The following USP13 variants were observed in gnomAD, a reference collection of about 807,000 sequenced individuals.
The protein encoded by USP13 is ubiquitin carboxyl-terminal hydrolase 13.
In USP13, 68 loss-of-function variants were observed where a neutral mutation model predicts 107.8. The ratio of observed to expected loss-of-function variants is 0.63; its 90% confidence interval spans 0.52 to 0.77. The LOEUF (loss-of-function observed/expected upper bound fraction) is 0.77. USP13 is among the 30% of genes least tolerant of loss of function. The pLI, the probability that USP13 is intolerant of heterozygous loss-of-function variation, is 0.00. For missense variants in USP13, 945 were observed against 1,093.3 expected (o/e 0.86, Z 1.91); for synonymous variants, 377 against 389.5 (o/e 0.97, Z 0.38).
Position 179,721,303 on chromosome 3 carries a change from T to C in USP13, c.901-99T>C. 1 of 1,326,458 alleles carries C rather than the reference T, an allele frequency of 7.5e-7. No homozygotes were observed. The highest frequency in any genetic ancestry group is 1.0e-6 in the Non-Finnish European group (1 of 972,306). The allele number at this position is 1,326,458 out of a possible 1,614,324, so 82.2% of individuals were successfully genotyped here. On this transcript the variant is annotated intron_variant, in intron 7 of 20. Transcript: ENST00000263966. The surrounding 1 kb of genome is among the most constrained non-coding windows in gnomAD (Gnocchi z 4.3). ...TTCTCTATGTAATTGGGGAAAAAAA[T>C]GGCAGAAACATCCTATGCTGTTAGA... is the stretch of plus-strand genomic sequence containing the variant.
At chr3:179,740,460 G>T in intron 11 of USP13, 88 bp downstream of exon 11, 1 of 1,557,658 alleles carries the variant, frequency 6.4e-7, no homozygotes, top group Non-Finnish European at 8.8e-7. Context: ...TGATCAGAAT[G>T]CCTCCCCACT....
chr3:179,776,758 G>T (rs1715551736), intron 19 of USP13, among the ~76,000 whole-genome samples: 1 of 151,930 alleles, frequency 6.6e-6, no homozygotes, highest in African/African-American at 2.4e-5. Context: ...AATAGGAAAG[G>T]CAGCTTGAGA....
At chr3:179,738,529 G>A (rs1381263254) in intron 10 of USP13, among the ~76,000 whole-genome samples, 1 of 152,194 alleles carries the variant, frequency 6.6e-6, no homozygotes, top group African/African-American at 2.4e-5. Context: ...TAAGACTAGT[G>A]TCCGCTTTCT....
At position 179,721,121 on chromosome 3, in the gene USP13, CT is replaced by C. The variant is rs1560061816; in HGVS notation, c.901-276del. On this transcript the variant is annotated intron_variant, in intron 7 of 20. Coordinates refer to ENST00000263966, the MANE Select transcript of USP13 (RefSeq NM_003940.3). The surrounding 1 kb of genome is among the most constrained non-coding windows in gnomAD (Gnocchi z 4.3). ...GCTGCGCCCGGCCTCTCTTTAAAAT[CT>C]TTTTCATGTGTGTTTTAAAAATTGT... 6.6e-6 allele frequency among the ~76,000 whole-genome samples: 1 copy of C among 152,028 alleles called. No homozygotes were observed. Among genetic ancestry groups the C allele is most frequent in the Non-Finnish European group, 1.5e-5 (1 of 67,990 alleles).
At position 179,784,748 on chromosome 3, in the gene USP13, AGACT is replaced by A. The variant is rs1176714942; in HGVS notation, c.*614_*617del. On this transcript the variant is annotated 3_prime_UTR_variant, in exon 21 of 21. Transcript: ENST00000263966. ...TAATACGATTGTGTGAATGTGTGTG[AGACT>A]GACTGAGAGTGTGAGACTTTTACTA... is the stretch of plus-strand genomic sequence containing the variant. 1.4e-4 allele frequency: 22 copies of A among 152,356 alleles called. No individual in the cohort carries two copies. The highest frequency in any genetic ancestry group is 4.1e-4 in the South Asian group (2 of 4,828). 9.4% of individuals were successfully genotyped at this position (152,356 alleles called of 1,614,324 possible).
rs770449912 is a variant in USP13, at chr3:179,742,212, T to C, written c.1396T>C (p.Ser466Pro). The change falls in exon 12 of 21, where the codon TCA becomes CCA. Residue 466 changes from serine to proline, a missense_variant. Coordinates refer to ENST00000263966, the MANE Select transcript of USP13 (RefSeq NM_003940.3). The surrounding 1 kb of genome is among the most constrained non-coding windows in gnomAD (Gnocchi z 5.0). Reference protein sequence around the residue: ...VNLVERNRIGSENPSDVFRFL... With the variant: ...VNLVERNRIGPENPSDVFRFL... The stretch of plus-strand genomic sequence containing the variant: ...CATCCTTCAGAGGAACCGCATCGGC[T>C]CAGAAAACCCAAGCGATGTTTTTCG... 2 of 1,614,228 alleles carry C rather than the reference T, an allele frequency of 1.2e-6. No individual in the cohort carries two copies. The highest frequency in any genetic ancestry group is 1.7e-6 in the Non-Finnish European group (2 of 1,180,042).
At chr3:179,671,842 C>T (rs1195053288) in intron 1 of USP13, among the ~76,000 whole-genome samples, 6 of 152,094 alleles carry the variant, frequency 3.9e-5, no homozygotes, top group Non-Finnish European at 7.3e-5. Context: ...CGTCTTCCCG[C>T]GGTGTTAGTA....
In USP13 at chr3:179,721,580, T is replaced by A. The variant is rs1300725538; in HGVS notation, c.1079T>A (p.Phe360Tyr). 9 of 1,613,238 alleles carry A rather than the reference T, an allele frequency of 5.6e-6. No homozygotes were observed. The highest frequency in any genetic ancestry group is 1.3e-5 in the African/African-American group (1 of 74,976). Residue 360 changes from phenylalanine (F) to tyrosine (Y), a missense_variant, in exon 8 of 21, where the codon TTC (phenylalanine) becomes TAC (tyrosine). Physicochemically the swap from Phe to Tyr is conservative, Grantham distance 22. Coordinates refer to ENST00000263966, the MANE Select transcript of USP13 (RefSeq NM_003940.3). This position sits in a 1 kb window ranked among gnomAD's most constrained non-coding sequence, Gnocchi z 4.3. ...CAGGCCATCTTCAGCATCCCAGAATTCCAGAGAGCGTAAGTGCCTTCCATG... is the reference window on the plus strand; with the variant it reads ...CAGGCCATCTTCAGCATCCCAGAATACCAGAGAGCGTAAGTGCCTTCCATG... ...VMQAIFSIPE[F>Y]QRAYVGNLPR...
intron 1 of USP13, among the ~76,000 whole-genome samples, chr3:179,658,124 T>G (rs1430113102): frequency 6.6e-6 from 1 of 152,134 alleles, no homozygotes; most frequent in Admixed American, 6.6e-5. Flanking sequence ...CTGGCTAATT[T>G]TTTGTATTTT....
chr3:179,726,632 G>A (rs1351263325), intron 8 of USP13, among the ~76,000 whole-genome samples: 1 of 151,894 alleles, frequency 6.6e-6, no homozygotes. Context: ...TTGGCCTGGT[G>A]CCTGGCTGCA....
intron 4 of USP13, among the ~76,000 whole-genome samples, chr3:179,705,481 A>G (rs1054812693): frequency 6.6e-6 from 1 of 152,146 alleles, no homozygotes; most frequent in Non-Finnish European, 1.5e-5. Context: ...TTCTAGCTCT[A>G]TAGATTTGTC....
intron 13 of USP13, among the ~76,000 whole-genome samples, chr3:179,751,688 G>A (rs906722238): frequency 1.9e-4 from 29 of 151,980 alleles, no homozygotes; most frequent in African/African-American, 7.0e-4. Context: ...GAACACCACA[G>A]CAAAGTAAAA....
Position 179,756,345 on chromosome 3 carries a change from C to T in USP13, c.1922-707C>T, listed in dbSNP as rs537155088. On this transcript the variant is annotated intron_variant, in intron 15 of 20. Coordinates refer to ENST00000263966, the MANE Select transcript of USP13 (RefSeq NM_003940.3). ...GGCTGAGGCAAGAGAATCGCTTGAACCAGGGAGTCGAGCCGAGATTGCGCC... is the reference window on the plus strand; with the variant it reads ...GGCTGAGGCAAGAGAATCGCTTGAATCAGGGAGTCGAGCCGAGATTGCGCC... Among the ~76,000 whole-genome samples the T allele has an allele frequency of 2.0e-5, 3 of 152,228 alleles. No homozygotes were observed. The East Asian group carries it at 5.8e-4, about 29-fold the overall frequency.
At chr3:179,753,102 C>G (rs1295929324) in intron 14 of USP13, among the ~76,000 whole-genome samples, 1 of 152,202 alleles carries the variant, frequency 6.6e-6, no homozygotes, top group African/African-American at 2.4e-5. Flanking sequence ...GTTTCTCAAG[C>G]AAGAACCTTG....
chr3:179,690,126 G>A (rs1712061706), intron 2 of USP13, 115 bp from the exon 3 acceptor site: 2 of 951,062 alleles, frequency 2.1e-6, no homozygotes, highest in South Asian at 1.8e-5. Context: ...TAATCTAGAT[G>A]GAATATTTCT....
At chr3:179,703,011 ATTG>A (rs1420026936) in intron 4 of USP13, among the ~76,000 whole-genome samples, 2 of 152,300 alleles carry the variant, frequency 1.3e-5, no homozygotes, top group South Asian at 2.1e-4. Flanking sequence ...GCCTTTTCTT[ATTG>A]TTGTACTTGG....
At chr3:179,732,423 G>A (rs1713839331) in intron 10 of USP13, among the ~76,000 whole-genome samples, 1 of 152,220 alleles carries the variant, frequency 6.6e-6, no homozygotes, top group African/African-American at 2.4e-5. Context: ...TCCATGCTCT[G>A]TGCTGGTGGT....
At chr3:179,730,576 A>G in intron 9 of USP13, 40 bp from the exon 10 acceptor site, 1 of 1,543,740 alleles carries the variant, frequency 6.5e-7, no homozygotes, top group Non-Finnish European at 8.9e-7. Flanking sequence ...ATGGAAAAAC[A>G]ACAATGACCT....
intron 19 of USP13, among the ~76,000 whole-genome samples, chr3:179,774,158 G>A (rs951199501): frequency 6.6e-6 from 1 of 152,170 alleles, no homozygotes; most frequent in African/African-American, 2.4e-5. Flanking sequence ...AAGCGAGAGA[G>A]AAGAGGTGTC....
Sources: allele counts gnomAD v4.1 joint callset (sites outside exome capture counted in the v4.1 genomes callset), GRCh38; gene constraint gnomAD v4.1.1; non-coding constraint Gnocchi (gnomAD v3.1); transcripts MANE v1.5; gene names NCBI Gene and HGNC (gene_info 2026-07-23, HGNC 2026-07-21).